The following RIPOR2 variants were observed in gnomAD, a reference collection of about 807,000 sequenced individuals.
RIPOR2 encodes RHO family interacting cell polarization regulator 2, also known as rho family-interacting cell polarization regulator 2.
A neutral mutation model predicts 114.5 loss-of-function variants in RIPOR2; 39 were observed. The observed-to-expected ratio is 0.34, with a 90% confidence interval of 0.26 to 0.44. The LOEUF (loss-of-function observed/expected upper bound fraction) is 0.44. RIPOR2 is among the 20% of genes least tolerant of loss of function. RIPOR2 has a pLI of 1.00. For missense variants in RIPOR2, 1,007 were observed against 1,255.1 expected, an observed-to-expected ratio of 0.80 and a Z score of 2.99; for synonymous variants, 445 against 484.4, an observed-to-expected ratio of 0.92 and a Z score of 1.07.
At chr6:25,003,503 A>G (rs1016329719) in intron 1 of RIPOR2, among the ~76,000 whole-genome samples, 7 of 151,702 alleles carry the variant, frequency 4.6e-5, no homozygotes, top group Non-Finnish European at 7.4e-5. Context: ...GTCATGGCTC[A>G]GTGTAGCCTC....
chr6:24,882,810 C>CT (rs1359814920), intron 1 of RIPOR2, among the ~76,000 whole-genome samples: 6 of 152,176 alleles, frequency 3.9e-5, no homozygotes, highest in Non-Finnish European at 7.3e-5. Flanking sequence ...TATCAATTAG[C>CT]TTTTTAACAA....
At chr6:25,015,039 C>T (rs1775908703) in intron 1 of RIPOR2, 1 of 152,160 alleles carries the variant, frequency 6.6e-6, no homozygotes, top group Non-Finnish European at 1.5e-5. Flanking sequence ...AAGCCCAGTT[C>T]TGGTAGCCAG....
At chr6:24,840,678 T>A in intron 13 of RIPOR2, 2 of 1,534,600 alleles carry the variant, frequency 1.3e-6, no homozygotes, top group Non-Finnish European at 1.7e-6. Context: ...GGAAAACGTC[T>A]TTCGGTCTTT....
chr6:25,023,078 A>C (rs1232616560), intron 1 of RIPOR2, among the ~76,000 whole-genome samples: 1 of 151,660 alleles, frequency 6.6e-6, no homozygotes, highest in Non-Finnish European at 1.5e-5. Context: ...CCCTTTAATG[A>C]CGACGTTTGC....
chr6:24,984,080 T>G (rs983901909), intron 1 of RIPOR2, among the ~76,000 whole-genome samples: 4 of 152,182 alleles, frequency 2.6e-5, no homozygotes, highest in Non-Finnish European at 5.9e-5. Flanking sequence ...GCTATAGAAC[T>G]TGACACCTCG....
At position 24,843,558 on chromosome 6, in the gene RIPOR2, T is replaced by C. The variant is rs1436127199; in HGVS notation, c.1165-4A>G. ...AGATGTCATCAGGTAGATTTGACTATAGATAAAAGATACCTCATTATTATT... is the reference window on the plus strand; with the variant it reads ...AGATGTCATCAGGTAGATTTGACTACAGATAAAAGATACCTCATTATTATT... On this transcript the variant is annotated splice_region_variant and splice_polypyrimidine_tract_variant and intron_variant, in intron 12 of 21. Coordinates refer to ENST00000643898, the MANE Select transcript of RIPOR2 (RefSeq NM_001286445.3). The C allele has an allele frequency of 3.3e-6, 5 of 1,492,744 alleles. No homozygotes were observed. The highest frequency in any genetic ancestry group is 2.8e-5 in the African/African-American group (2 of 71,176). The allele number at this position is 1,492,744 out of a possible 1,614,324, so 92.5% of individuals were successfully genotyped here. A position where few individuals can be genotyped will look rare whatever the true frequency, so the allele number is the denominator to read the frequency against.
At chr6:24,983,188 A>T (rs1431719878) in intron 1 of RIPOR2, among the ~76,000 whole-genome samples, 1 of 115,562 alleles carries the variant, frequency 8.7e-6, no homozygotes, top group Admixed American at 9.6e-5. Context: ...TTTAGGTTGA[A>T]CACGTACACA....
intron 1 of RIPOR2, among the ~76,000 whole-genome samples, chr6:24,895,805 A>C (rs567293915): frequency 6.6e-6 from 1 of 152,228 alleles, no homozygotes; most frequent in East Asian, 1.9e-4. Flanking sequence ...CCTGGCCAAC[A>C]CGGTGAAACC....
chr6:25,021,243 C>A (rs186638686), intron 1 of RIPOR2, among the ~76,000 whole-genome samples: 252 of 152,028 alleles, frequency 1.7e-3, no homozygotes, highest in African/African-American at 5.2e-3. Context: ...GAGGAGGAGG[C>A]AGAAGAAAGG....
At position 24,870,845 on chromosome 6, in the gene RIPOR2, C is replaced by T; in HGVS notation, c.447+21G>A. 1.9e-6 allele frequency: 3 copies of T among 1,596,706 alleles called. No individual in the cohort carries two copies. In the East Asian group the frequency reaches 6.8e-5, roughly 36 times the overall value. Reference sequence around the variant, plus strand: ...CAGAATTTTTTTCTTATTAGCACCCCAACACGGAATGGCAACTTACCTTGT... The same window carrying T: ...CAGAATTTTTTTCTTATTAGCACCCTAACACGGAATGGCAACTTACCTTGT... On this transcript the variant is annotated intron_variant, in intron 5 of 21. Transcript: ENST00000643898.
At chr6:24,896,465 G>A (rs1157037563) in intron 1 of RIPOR2, among the ~76,000 whole-genome samples, 2 of 152,126 alleles carry the variant, frequency 1.3e-5, no homozygotes, top group Non-Finnish European at 2.9e-5. Context: ...TTCAAAGGAG[G>A]TTGATTTCAT....
At chr6:25,020,177 A>C (rs1561847366) in intron 1 of RIPOR2, among the ~76,000 whole-genome samples, 1 of 152,194 alleles carries the variant, frequency 6.6e-6, no homozygotes, top group Non-Finnish European at 1.5e-5. Flanking sequence ...GACAATGTTA[A>C]TTTGCTATTG....
intron 4 of RIPOR2, among the ~76,000 whole-genome samples, chr6:24,871,166 C>T (rs1237838215): frequency 3.9e-5 from 6 of 152,134 alleles, no homozygotes; most frequent in Admixed American, 6.5e-5. Flanking sequence ...GTCCTCCCTG[C>T]CCCTTGGGAT....
Position 24,858,048 on chromosome 6 carries a change from C to T in RIPOR2, c.715+2925G>A, listed in dbSNP as rs1367126774. Among the ~76,000 whole-genome samples, 1 of 152,208 alleles carries T rather than the reference C, an allele frequency of 6.6e-6. No individual in the cohort carries two copies. The highest frequency in any genetic ancestry group is 1.5e-5 in the Non-Finnish European group (1 of 68,044). On this transcript the variant is annotated intron_variant, in intron 8 of 21. Transcript: ENST00000643898. This position sits in a 1 kb window ranked among gnomAD's most constrained non-coding sequence, Gnocchi z 4.0. The stretch of plus-strand genomic sequence containing the variant: ...CCATACATTACACTGGGATGCCTTC[C>T]TCTTTCCTGCTCCTCTCCCCAACTA...
Position 24,869,028 on chromosome 6 carries a change from C to T in RIPOR2, c.501+66G>A, listed in dbSNP as rs139114169. 6.3e-3 allele frequency: 5,876 copies of T among 927,738 alleles called. 40 individuals are homozygous for T. The highest frequency in any genetic ancestry group is 0.019 in the Middle Eastern group (91 of 4,708). 57.5% of individuals were successfully genotyped at this position (927,738 alleles called of 1,614,324 possible). ...TCCACGCACTAGATACTACGCTCAG[C>T]CCAAAGGTGTATTTGATTAGCAACA... is the stretch of plus-strand genomic sequence containing the variant. On this transcript the variant is annotated intron_variant, in intron 6 of 21. Transcript: ENST00000643898.
intron 1 of RIPOR2, among the ~76,000 whole-genome samples, chr6:24,948,773 C>T (rs188692280): frequency 5.3e-5 from 8 of 152,266 alleles, no homozygotes; most frequent in East Asian, 3.9e-4. Context: ...TCAGGTGATC[C>T]GCTCACCTTG....
At chr6:24,919,778 C>G (rs1353223036) in intron 1 of RIPOR2, among the ~76,000 whole-genome samples, 2 of 152,174 alleles carry the variant, frequency 1.3e-5, no homozygotes, top group Non-Finnish European at 2.9e-5. Flanking sequence ...CAGAGGAATT[C>G]AAGTTCAACA....
chr6:25,024,773 G>T (rs111759343), intron 1 of RIPOR2, among the ~76,000 whole-genome samples: 416 of 152,292 alleles, frequency 2.7e-3, no homozygotes, highest in African/African-American at 9.4e-3. Context: ...CTTGGAGCTG[G>T]TGAGTATCGG....
chr6:25,032,264 A>G (rs1034526267), intron 1 of RIPOR2, among the ~76,000 whole-genome samples: 6 of 152,016 alleles, frequency 3.9e-5, no homozygotes, highest in Admixed American at 3.3e-4. Context: ...CTCAGGGAAC[A>G]AGCTTTGGAC....
Sources: allele counts gnomAD v4.1 joint callset (sites outside exome capture counted in the v4.1 genomes callset), GRCh38; gene constraint gnomAD v4.1.1; non-coding constraint Gnocchi (gnomAD v3.1); transcripts MANE v1.5; gene names NCBI Gene and HGNC (gene_info 2026-07-23, HGNC 2026-07-21).